XKR9: variants seen among roughly 807,000 people sequenced by gnomAD.
The protein encoded by XKR9 is XK-related protein 9.
A neutral mutation model predicts 32.0 loss-of-function variants in XKR9; 32 were observed. The ratio of observed to expected loss-of-function variants is 1.00; its 90% CI spans 0.76 to 1.34. XKR9 has a LOEUF of 1.34. Ranked by LOEUF, XKR9 falls within the 40% of genes most tolerant of loss-of-function variation. The probability of loss-of-function intolerance (pLI) is 0.00; values close to 1 mark genes in which losing one functional copy is unlikely to be tolerated. For missense variants in XKR9, 546 were observed against 429.7 expected (o/e 1.27, Z -2.39); for synonymous variants, 168 against 143.4 (o/e 1.17, Z -1.22).
At chr8:70,859,470 T>C in the XKR9 span, among the ~76,000 whole-genome samples, 1 of 152,028 alleles carries the variant, frequency 6.6e-6, no homozygotes, top group Non-Finnish European at 1.5e-5. Flanking sequence ...AAACTAAAAA[T>C]AGATCCAGCA....
the XKR9 span, among the ~76,000 whole-genome samples, chr8:70,814,113 A>G: frequency 6.6e-6 from 1 of 152,242 alleles, no homozygotes; most frequent in African/African-American, 2.4e-5. Context: ...CTATGCAGCC[A>G]TAAAAAATGA....
At chr8:70,957,557 C>T in the XKR9 span, among the ~76,000 whole-genome samples, 2 of 151,968 alleles carry the variant, frequency 1.3e-5, no homozygotes, top group Non-Finnish European at 2.9e-5. Context: ...TCTGCCAGGC[C>T]CCAGTGTGTA....
the XKR9 span, among the ~76,000 whole-genome samples, chr8:70,921,648 G>A: frequency 6.6e-6 from 1 of 152,110 alleles, no homozygotes; most frequent in Non-Finnish European, 1.5e-5. Context: ...AAAAATTCCT[G>A]TCAAAAATGT....
the XKR9 span, among the ~76,000 whole-genome samples, chr8:70,915,989 T>C: frequency 2.0e-5 from 3 of 152,206 alleles, no homozygotes; most frequent in Middle Eastern, 3.2e-3. Context: ...GCTATTTTCA[T>C]TTGTATAAAT....
At chr8:71,064,442 T>C in the XKR9 span, among the ~76,000 whole-genome samples, 1 of 152,214 alleles carries the variant, frequency 6.6e-6, no homozygotes, top group African/African-American at 2.4e-5. Flanking sequence ...TTTATATCAT[T>C]GTCAACAGAC....
intron 4 of XKR9, among the ~76,000 whole-genome samples, chr8:70,723,901 T>TG (rs1300977621): frequency 1.3e-5 from 2 of 151,522 alleles, no homozygotes; most frequent in African/African-American, 4.9e-5. Flanking sequence ...TTTTTTTTTT[T>TG]TTGAGACGGA....
chr8:70,740,925 C>G (rs552518047), downstream of XKR9, among the ~76,000 whole-genome samples: 2 of 152,176 alleles, frequency 1.3e-5, no homozygotes, highest in African/African-American at 4.8e-5. Context: ...GGTCAGGGAC[C>G]CACTTGAGGA....
chr8:70,795,930 G>C, the XKR9 span, among the ~76,000 whole-genome samples: 1 of 152,036 alleles, frequency 6.6e-6, no homozygotes, highest in Non-Finnish European at 1.5e-5. Context: ...TCTGTAGGTT[G>C]TCTGTTCACT....
chr8:70,850,254 G>A, the XKR9 span, among the ~76,000 whole-genome samples: 1 of 151,992 alleles, frequency 6.6e-6, no homozygotes, highest in Non-Finnish European at 1.5e-5. Context: ...TAGGTCAGGA[G>A]ATAGAGACCA....
At chr8:70,671,554 A>G (rs1586797860) in intron 1 of XKR9, among the ~76,000 whole-genome samples, 1 of 85,854 alleles carries the variant, frequency 1.2e-5, no homozygotes, top group East Asian at 2.1e-4. Flanking sequence ...TCATTGTTCA[A>G]TTCCCACCTA....
At chr8:70,853,981 T>C in the XKR9 span, among the ~76,000 whole-genome samples, 4 of 152,342 alleles carry the variant, frequency 2.6e-5, no homozygotes, top group African/African-American at 9.6e-5. Flanking sequence ...AGTGCCACAA[T>C]AAACACATGT....
At chr8:70,956,054 C>T in the XKR9 span, among the ~76,000 whole-genome samples, 1 of 152,140 alleles carries the variant, frequency 6.6e-6, no homozygotes, top group Admixed American at 6.5e-5. Context: ...CCCAAAGGGT[C>T]GCAGCTCTTC....
chr8:70,733,642 A>G (rs1806745945), intron 4 of XKR9, among the ~76,000 whole-genome samples, 154 bp from the exon 5 acceptor site: 1 of 152,152 alleles, frequency 6.6e-6, no homozygotes, highest in African/African-American at 2.4e-5. Flanking sequence ...TCCCCCATAC[A>G]TAATAATATC....
the XKR9 span, among the ~76,000 whole-genome samples, chr8:70,983,342 C>G: frequency 6.6e-6 from 1 of 152,172 alleles, no homozygotes; most frequent in Non-Finnish European, 1.5e-5. Flanking sequence ...TCATAACCGT[C>G]TGAACTTCCT....
the XKR9 span, among the ~76,000 whole-genome samples, chr8:70,817,946 A>G: frequency 6.6e-6 from 1 of 152,152 alleles, no homozygotes; most frequent in Admixed American, 6.5e-5. Context: ...ATCTTTCACC[A>G]TATACAAAAA....
At chr8:71,019,225 G>T in the XKR9 span, among the ~76,000 whole-genome samples, 1 of 152,102 alleles carries the variant, frequency 6.6e-6, no homozygotes, top group Non-Finnish European at 1.5e-5. Flanking sequence ...AGATTTGGTT[G>T]GTTAAGAAAC....
At chr8:70,689,272 A>G (rs1819424437) in intron 3 of XKR9, among the ~76,000 whole-genome samples, 1 of 151,948 alleles carries the variant, frequency 6.6e-6, no homozygotes, top group Non-Finnish European at 1.5e-5. Context: ...TCATTCATGA[A>G]AAATTCCAAT....
the XKR9 span, among the ~76,000 whole-genome samples, chr8:71,063,360 C>T: frequency 6.6e-6 from 1 of 152,072 alleles, no homozygotes. Flanking sequence ...TGAAAAATCC[C>T]TCAGGTAGGG....
the XKR9 span, among the ~76,000 whole-genome samples, chr8:70,976,794 G>A: frequency 6.6e-6 from 1 of 152,088 alleles, no homozygotes; most frequent in Non-Finnish European, 1.5e-5. Flanking sequence ...GAAGGAATGG[G>A]ACCAGCTCCT....
Sources: gnomAD v4.1 joint callset for allele counts (sites outside exome capture counted in the v4.1 genomes callset) on GRCh38, gnomAD v4.1.1 for gene constraint, MANE v1.5 for transcripts, NCBI Gene and HGNC (gene_info 2026-07-23, HGNC 2026-07-21) for gene names.